Variants in TRPS1 observed in about 807,000 individuals in gnomAD.
TRPS1 encodes the protein transcriptional repressor GATA binding 1.
A neutral mutation model predicts 101.2 loss-of-function variants in TRPS1; 6 were observed. The ratio of observed to expected loss-of-function variants is 0.06; its 90% CI spans 0.03 to 0.12. TRPS1 has a LOEUF of 0.12. Among genes scored for constraint, TRPS1 ranks in the 10% least tolerant of loss-of-function variants. The probability of loss-of-function intolerance (pLI) is 1.00; values close to 1 mark genes in which losing one functional copy is unlikely to be tolerated. For synonymous variants in TRPS1, 578 were observed against 589.8 expected (o/e 0.98, Z 0.29); for missense variants, 1,363 against 1,567.0 (o/e 0.87, Z 2.20).
At chr8:115,573,637 C>T (rs1276992245) in intron 5 of TRPS1, among the ~76,000 whole-genome samples, 1 of 152,150 alleles carries the variant, frequency 6.6e-6, no homozygotes, top group African/African-American at 2.4e-5. Context: ...CATATTAACC[C>T]TATTAAAGGT....
rs188829259 is a variant in TRPS1, at chr8:115,531,338, T to C, written c.2700+55663A>G. On this transcript the variant is annotated intron_variant, in intron 5 of 6. Coordinates refer to ENST00000395715, the MANE Select transcript of TRPS1 (RefSeq NM_014112.5). ...AAAGTATTCTTGTAATCAAAAATGT[T>C]TGCAAATCGGGTCACTAGACAGACT... 7.2e-5 allele frequency among the ~76,000 whole-genome samples: 11 copies of C among 152,242 alleles called. No homozygotes were observed. In the East Asian group the frequency reaches 1.6e-3, roughly 21 times the overall value.
At chr8:115,490,924 T>C (rs1041917817) in intron 5 of TRPS1, among the ~76,000 whole-genome samples, 1 of 152,198 alleles carries the variant, frequency 6.6e-6, no homozygotes, top group Non-Finnish European at 1.5e-5. Context: ...ATTTATAATA[T>C]TCTATTTCTA....
At chr8:115,624,864 G>T (rs1252511690) in intron 1 of TRPS1, among the ~76,000 whole-genome samples, 3 of 151,588 alleles carry the variant, frequency 2.0e-5, no homozygotes, top group Non-Finnish European at 3.0e-5. Flanking sequence ...TCTCAAGAGG[G>T]CACCTTCACA....
At chr8:115,589,591 T>C (rs1186312996) in intron 4 of TRPS1, among the ~76,000 whole-genome samples, 2 of 152,054 alleles carry the variant, frequency 1.3e-5, no homozygotes, top group Non-Finnish European at 2.9e-5. Context: ...AAATGACAAA[T>C]AATGGGAGGA....
At chr8:115,515,190 T>A (rs889905626) in intron 5 of TRPS1, 8 of 692,344 alleles carry the variant, frequency 1.2e-5, no homozygotes, top group Admixed American at 6.2e-5. Context: ...CTCCATTATC[T>A]AAATATTAAT....
At chr8:115,489,994 A>C (rs1814981343) in intron 5 of TRPS1, among the ~76,000 whole-genome samples, 1 of 152,020 alleles carries the variant, frequency 6.6e-6, no homozygotes, top group Non-Finnish European at 1.5e-5. Context: ...TTTTTAGCTA[A>C]ATGTAAGAGT....
intron 5 of TRPS1, among the ~76,000 whole-genome samples, chr8:115,429,593 A>T (rs1241620913): frequency 6.6e-6 from 1 of 152,168 alleles, no homozygotes; most frequent in African/African-American, 2.4e-5. Context: ...GAACAGTTAA[A>T]GCTGTTTCTC....
At chr8:115,494,949 G>A (rs976007380) in intron 5 of TRPS1, among the ~76,000 whole-genome samples, 1 of 152,116 alleles carries the variant, frequency 6.6e-6, no homozygotes. Flanking sequence ...TCCCTGCTCA[G>A]AGTTGGCATG....
chr8:115,576,286 TATATAG>T (rs1238041454), intron 5 of TRPS1, among the ~76,000 whole-genome samples: 201 of 130,692 alleles, frequency 1.5e-3, no homozygotes, highest in African/African-American at 5.3e-3. Context: ...TTCATATATA[TATATAG>T]ATATAGATAT....
At chr8:115,554,358 A>G (rs1428552962) in intron 5 of TRPS1, among the ~76,000 whole-genome samples, 2 of 152,164 alleles carry the variant, frequency 1.3e-5, no homozygotes, top group African/African-American at 4.8e-5. Flanking sequence ...TCCAGGCCCT[A>G]CCTAGGGCCC....
chr8:115,471,074 G>A (rs1814457393), intron 5 of TRPS1, among the ~76,000 whole-genome samples: 1 of 152,174 alleles, frequency 6.6e-6, no homozygotes, highest in African/African-American at 2.4e-5. Context: ...TTTGTTTGCA[G>A]AGTGTGATGC....
Position 115,533,439 on chromosome 8 carries a change from T to TTTTTTTTTTTTTTTTTTC in TRPS1, c.2700+53561_2700+53562insGAAAAAAAAAAAAAAAAA, listed in dbSNP as rs1816192322. 1.7e-5 allele frequency among the ~76,000 whole-genome samples: 2 copies of TTTTTTTTTTTTTTTTTTC among 116,696 alleles called. 1 individual carries two copies. The highest frequency in any genetic ancestry group is 3.3e-5 in the Non-Finnish European group (2 of 61,176). The allele number at this position is 116,696 out of a possible 152,430, so 76.6% of individuals were successfully genotyped here. A position where few individuals can be genotyped will look rare whatever the true frequency, so the allele number is the denominator to read the frequency against. On this transcript the variant is annotated intron_variant, in intron 5 of 6. Transcript: ENST00000395715. The stretch of plus-strand genomic sequence containing the variant: ...GCCCGCTTCCCACATGTAATCTGTT[T>TTTTTTTTTTTTTTTTTTC]TTTTTTTTTTTTTTTTTTTTCCTGA...
chr8:115,420,815 G>C (rs2129780041), intron 5 of TRPS1, among the ~76,000 whole-genome samples: 1 of 152,220 alleles, frequency 6.6e-6, no homozygotes, highest in Non-Finnish European at 1.5e-5. Flanking sequence ...GGAGTACTTT[G>C]AATACACTTA....
chr8:115,614,145 C>T (rs1353227872), intron 3 of TRPS1, among the ~76,000 whole-genome samples: 3 of 152,084 alleles, frequency 2.0e-5, no homozygotes, highest in Non-Finnish European at 4.4e-5. Flanking sequence ...GCTGTAATTA[C>T]AATGATCCAA....
In TRPS1 at chr8:115,411,391, A is replaced by C. The variant is rs1812786512; in HGVS notation, c.*2632T>G. On this transcript the variant is annotated 3_prime_UTR_variant, in exon 7 of 7. Transcript: ENST00000395715. ...GCTTAATGAGTAGTTTTGCCCAAAA[A>C]GTAATACTTGTCATATTGCCCAAGT... is the stretch of plus-strand genomic sequence containing the variant. 2 of 152,506 alleles carry C rather than the reference A, an allele frequency of 1.3e-5. No individual in the cohort carries two copies. The highest frequency in any genetic ancestry group is 1.9e-4 in the East Asian group (1 of 5,174). 9.4% of individuals were successfully genotyped at this position (152,506 alleles called of 1,614,324 possible).
intron 5 of TRPS1, among the ~76,000 whole-genome samples, chr8:115,463,437 C>A (rs904301635): frequency 6.6e-6 from 1 of 152,146 alleles, no homozygotes; most frequent in African/African-American, 2.4e-5. Context: ...CTCATAAATT[C>A]TGTCTGTCTA....
At chr8:115,573,105 C>A (rs1039915398) in intron 5 of TRPS1, among the ~76,000 whole-genome samples, 3 of 150,156 alleles carry the variant, frequency 2.0e-5, no homozygotes, top group Middle Eastern at 6.8e-3. Flanking sequence ...GCCTGGGCAA[C>A]AAGAGCGAAA....
chr8:115,502,442 G>C (rs1815341089), intron 5 of TRPS1, among the ~76,000 whole-genome samples: 1 of 152,114 alleles, frequency 6.6e-6, no homozygotes, highest in Non-Finnish European at 1.5e-5. Context: ...GGCAAACATA[G>C]GGTTATGAAA....
At chr8:115,564,751 G>A (rs3808449) in intron 5 of TRPS1, among the ~76,000 whole-genome samples, 97,520 of 151,898 alleles carry the variant, frequency 0.64, 31,762 homozygotes, top group East Asian at 0.83. Flanking sequence ...AGACTTGGAT[G>A]AGGGGAGCAT....
Sources: gnomAD v4.1 joint callset for allele counts (sites outside exome capture counted in the v4.1 genomes callset) on GRCh38, gnomAD v4.1.1 for gene constraint, MANE v1.5 for transcripts, NCBI Gene and HGNC (gene_info 2026-07-23, HGNC 2026-07-21) for gene names.